Variants in DLGAP2 observed in about 807,000 individuals in gnomAD.
The protein encoded by DLGAP2 is disks large-associated protein 2.
A neutral mutation model predicts 100.3 loss-of-function variants in DLGAP2; 26 were observed. The ratio of observed to expected loss-of-function variants is 0.26; its 90% confidence interval spans 0.19 to 0.36. The LOEUF (loss-of-function observed/expected upper bound fraction) is 0.36, where lower values mean the gene tolerates loss of function less well. Ranked by LOEUF, DLGAP2 falls within the 10% of genes least tolerant of loss-of-function variation. DLGAP2 has a pLI of 1.00. For missense variants in DLGAP2, 1,858 were observed against 1,453.2 expected (o/e 1.28, Z -4.53); for synonymous variants, 886 against 630.1 (o/e 1.41, Z -6.08).
At chr8:1,445,466 C>T (rs1199087774) in intron 3 of DLGAP2, among the ~76,000 whole-genome samples, 1 of 151,948 alleles carries the variant, frequency 6.6e-6, no homozygotes, top group East Asian at 1.9e-4. Flanking sequence ...ATATGTGCCA[C>T]ATTTTCTTAA....
chr8:1,518,156 G>A (rs749037467), intron 4 of DLGAP2, among the ~76,000 whole-genome samples: 1 of 152,200 alleles, frequency 6.6e-6, no homozygotes, highest in Non-Finnish European at 1.5e-5. Flanking sequence ...ACGCTTCTGT[G>A]TTATGTGACT....
chr8:1,678,175 A>G (rs750459746), intron 11 of DLGAP2, 39 bp from the exon 12 acceptor site: 1 of 1,569,502 alleles, frequency 6.4e-7, no homozygotes, highest in South Asian at 1.2e-5. Context: ...AAGTCCTCTC[A>G]GAAGGGCTAC....
intron 3 of DLGAP2, among the ~76,000 whole-genome samples, chr8:1,493,825 G>A (rs188285497): frequency 6.6e-6 from 1 of 152,188 alleles, no homozygotes; most frequent in South Asian, 2.1e-4. Context: ...GACGCGGCAC[G>A]ACCCTGCTTC....
At chr8:971,770 T>G (rs950047569) in intron 2 of DLGAP2, among the ~76,000 whole-genome samples, 10 of 152,156 alleles carry the variant, frequency 6.6e-5, no homozygotes, top group African/African-American at 2.4e-4. Flanking sequence ...TTTTCAAGCC[T>G]CACAGACTTG....
intron 3 of DLGAP2, among the ~76,000 whole-genome samples, chr8:1,387,984 C>A (rs1214327298): frequency 1.3e-5 from 2 of 152,234 alleles, no homozygotes; most frequent in African/African-American, 4.8e-5. Flanking sequence ...AGCGCGTGAG[C>A]AAACACGGTG....
chr8:1,353,682 A>G (rs534164402), intron 3 of DLGAP2, among the ~76,000 whole-genome samples: 1 of 152,348 alleles, frequency 6.6e-6, no homozygotes, highest in East Asian at 1.9e-4. Context: ...GCAAGCTTTT[A>G]GAAGCATGAA....
intron 2 of DLGAP2, among the ~76,000 whole-genome samples, chr8:1,018,546 C>A (rs1324976472): frequency 2.0e-5 from 3 of 152,222 alleles, no homozygotes; most frequent in Non-Finnish European, 4.4e-5. Context: ...AGCAGTGACT[C>A]TGTCCTCCTG....
At chr8:1,667,458 T>C (rs1798573130) in intron 8 of DLGAP2, among the ~76,000 whole-genome samples, 1 of 152,170 alleles carries the variant, frequency 6.6e-6, no homozygotes, top group South Asian at 2.1e-4. Flanking sequence ...CTCAGATGCA[T>C]AGAGCTGGCC....
At chr8:1,593,717 C>T (rs776059553) in intron 6 of DLGAP2, among the ~76,000 whole-genome samples, 26 of 152,146 alleles carry the variant, frequency 1.7e-4, no homozygotes, top group Non-Finnish European at 2.6e-4. Context: ...GGCCTCTGAC[C>T]TGCAAGCATT....
Position 1,025,594 on chromosome 8 carries a change from C to T in DLGAP2, c.73+117628C>T, listed in dbSNP as rs145901282. On this transcript the variant is annotated intron_variant, in intron 2 of 14. Coordinates refer to ENST00000637795, the MANE Select transcript of DLGAP2 (RefSeq NM_001346810.2). The stretch of plus-strand genomic sequence containing the variant: ...AGCAGCTGTGTGGAATTCTGCCGCT[C>T]GGTGAGGATGAGCGATGCCTGGAGA... Among the ~76,000 whole-genome samples the T allele has an allele frequency of 4.9e-4, 75 of 152,296 alleles. No homozygotes were observed. In the East Asian group the frequency reaches 0.013, roughly 25 times the overall value.
intron 1 of DLGAP2, among the ~76,000 whole-genome samples, chr8:743,952 T>C (rs1208359713): frequency 6.6e-6 from 1 of 152,272 alleles, no homozygotes; most frequent in South Asian, 2.1e-4. Flanking sequence ...GCTGAAGACG[T>C]GGATTCACGT....
chr8:965,601 C>G lies in DLGAP2; in HGVS notation c.73+57635C>G, dbSNP rs1158525863. Among the ~76,000 whole-genome samples the G allele has an allele frequency of 2.1e-5, 3 of 139,684 alleles. 1 individual carries two copies. Among genetic ancestry groups the G allele is most frequent in the Non-Finnish European group, 4.6e-5 (3 of 65,420 alleles). The allele number at this position is 139,684 out of a possible 152,430, so 91.6% of individuals were successfully genotyped here. ...ACACGGCACTGTTCACCTCACACGG[C>G]TCCTGAGTCTGGCCCCGCACTGCAC... On this transcript the variant is annotated intron_variant, in intron 2 of 14. Transcript: ENST00000637795.
chr8:1,337,359 GAGGATGACA>G (rs1801303753), intron 3 of DLGAP2, among the ~76,000 whole-genome samples: 1 of 61,306 alleles, frequency 1.6e-5, no homozygotes, highest in Non-Finnish European at 4.5e-5. Context: ...TGATGGGGGT[GAGGATGACA>G]GTGATGATGA....
At chr8:777,145 C>G (rs1361462141) in intron 1 of DLGAP2, among the ~76,000 whole-genome samples, 2 of 152,168 alleles carry the variant, frequency 1.3e-5, no homozygotes, top group East Asian at 1.9e-4. Flanking sequence ...TGTTTCAAGT[C>G]TGCTTTATCA....
At chr8:1,391,297 G>A (rs188534528) in intron 3 of DLGAP2, among the ~76,000 whole-genome samples, 4 of 152,308 alleles carry the variant, frequency 2.6e-5, no homozygotes, top group Admixed American at 6.5e-5. Context: ...AAAGCAAACG[G>A]CCTGAGGTAG....
intron 1 of DLGAP2, among the ~76,000 whole-genome samples, chr8:863,892 G>A (rs1433634896): frequency 6.6e-6 from 1 of 152,178 alleles, no homozygotes; most frequent in African/African-American, 2.4e-5. Flanking sequence ...GTGTGTGGAA[G>A]AGAATCGGCC....
chr8:847,877 C>G (rs900947351), intron 1 of DLGAP2, among the ~76,000 whole-genome samples: 6 of 149,854 alleles, frequency 4.0e-5, no homozygotes, highest in African/African-American at 1.5e-4. Context: ...TTTTTTTCCC[C>G]TTTACTTTCT....
intron 4 of DLGAP2, among the ~76,000 whole-genome samples, chr8:1,544,354 C>G (rs906565350): frequency 2.6e-5 from 4 of 152,194 alleles, no homozygotes; most frequent in African/African-American, 9.7e-5. Flanking sequence ...GTAACCTGCT[C>G]CTTTGCTGAG....
chr8:1,506,719 C>T (rs1368095939), intron 4 of DLGAP2, among the ~76,000 whole-genome samples: 4 of 152,184 alleles, frequency 2.6e-5, no homozygotes, highest in Non-Finnish European at 4.4e-5. Context: ...TTACAAAGAG[C>T]TGATTGGTCT....
Sources: gnomAD v4.1 joint callset for allele counts (sites outside exome capture counted in the v4.1 genomes callset) on GRCh38, gnomAD v4.1.1 for gene constraint, MANE v1.5 for transcripts, NCBI Gene and HGNC (gene_info 2026-07-23, HGNC 2026-07-21) for gene names.